RPS6KA3: variants seen among roughly 807,000 people sequenced by gnomAD.
The protein encoded by RPS6KA3 is ribosomal protein S6 kinase A3.
Under a neutral mutation model 67.2 loss-of-function variants are expected in RPS6KA3, and 4 were observed. The observed-to-expected ratio is 0.06, with a 90% CI of 0.03 to 0.14. The LOEUF (loss-of-function observed/expected upper bound fraction) is 0.14, where lower values mean the gene tolerates loss of function less well. Among genes scored for constraint, RPS6KA3 ranks in the 10% least tolerant of loss-of-function variants. The probability of loss-of-function intolerance (pLI) is 1.00; values close to 1 mark genes in which losing one functional copy is unlikely to be tolerated. For missense variants in RPS6KA3, 204 were observed against 559.0 expected, an observed-to-expected ratio of 0.36 and a Z score of 6.40; for synonymous variants, 182 against 183.7, an observed-to-expected ratio of 0.99 and a Z score of 0.07.
chrX:20,160,824 T>C (rs1320135034), intron 20 of RPS6KA3, among the ~76,000 whole-genome samples: 4 of 112,351 alleles, frequency 3.6e-5, no homozygotes, highest in African/African-American at 1.3e-4. Context: ...CAACAGAATC[T>C]ATATACACTT....
chrX:20,205,538 T>C (rs2068553585), intron 3 of RPS6KA3, among the ~76,000 whole-genome samples: 1 of 112,226 alleles, frequency 8.9e-6, no homozygotes, highest in African/African-American at 3.2e-5. Context: ...GAAACCCTGA[T>C]ACAGGGTGTG....
At chrX:20,190,129 C>T (rs763774516) in intron 7 of RPS6KA3, among the ~76,000 whole-genome samples, 2 of 111,415 alleles carry the variant, frequency 1.8e-5, no homozygotes, top group East Asian at 2.8e-4. Context: ...GCATTAGTTA[C>T]GCCTTCTGTA....
intron 4 of RPS6KA3, chrX:20,203,415 C>T (rs143985168): frequency 0.011 from 1,222 of 110,363 alleles, 6 homozygotes; most frequent in Middle Eastern, 0.018. Flanking sequence ...GTATGTGCCA[C>T]CACGCCCAGC....
At chrX:20,176,588 A>G (rs2067705685) in intron 11 of RPS6KA3, 90 bp from the exon 12 acceptor site, 1 of 555,706 alleles carries the variant, frequency 1.8e-6, no homozygotes, top group Admixed American at 3.1e-5. Flanking sequence ...CTAATTAATT[A>G]ATTAATTAAT....
chrX:20,181,356 G>A lies in RPS6KA3; in HGVS notation c.846-4272C>T, dbSNP rs1430928743. Among the ~76,000 whole-genome samples the A allele has an allele frequency of 2.6e-4, 29 of 110,948 alleles. No homozygotes were observed. In the Admixed American group the frequency reaches 2.7e-3, roughly 10 times the overall value. On this transcript the variant is annotated intron_variant, in intron 10 of 21. Coordinates refer to ENST00000379565, the MANE Select transcript of RPS6KA3 (RefSeq NM_004586.3). The stretch of plus-strand genomic sequence containing the variant: ...GGGAACGGTTAGAGAGGTGGAAGAA[G>A]TAGATCAAAGTAGGAAAAACTATGG...
chrX:20,194,171 T>C lies in RPS6KA3; in HGVS notation c.486+18A>G, dbSNP rs778909289. ...AGGATGCATGTAAATAGACTAAAAA[T>C]AGAGATTAATTATATACCTCTTTGG... On this transcript the variant is annotated intron_variant, in intron 6 of 21. Coordinates refer to ENST00000379565, the MANE Select transcript of RPS6KA3 (RefSeq NM_004586.3). 7.8e-6 allele frequency: 8 copies of C among 1,028,032 alleles called. No homozygotes were observed. The highest frequency in any genetic ancestry group is 9.6e-6 in the Non-Finnish European group (7 of 730,873). The allele number at this position is 1,028,032 out of a possible 1,213,427, so 84.7% of individuals were successfully genotyped here.
At chrX:20,265,713 C>A (rs2070358265) in intron 1 of RPS6KA3, 1 of 110,845 alleles carries the variant, frequency 9.0e-6, no homozygotes, top group African/African-American at 3.3e-5. Context: ...AGGGGCGGTT[C>A]AGGAAAGCTC....
chrX:20,264,794 T>C (rs886817275), intron 1 of RPS6KA3, among the ~76,000 whole-genome samples: 3 of 112,379 alleles, frequency 2.7e-5, no homozygotes, highest in East Asian at 2.8e-4. Flanking sequence ...TTAATGTTTG[T>C]ATGTAAAAGT....
chrX:20,223,131 C>T (rs191043605), intron 2 of RPS6KA3, among the ~76,000 whole-genome samples: 16 of 111,244 alleles, frequency 1.4e-4, no homozygotes, highest in Admixed American at 2.9e-4. Context: ...CTTGTATTTC[C>T]GGGAAAAATC....
chrX:20,154,824 A>C lies in RPS6KA3; in HGVS notation c.*574T>G, dbSNP rs1187651458. 8.6e-6 allele frequency: 1 copy of C among 116,398 alleles called. No individual in the cohort carries two copies. Among genetic ancestry groups the C allele is most frequent in the Non-Finnish European group, 1.8e-5 (1 of 55,353 alleles). 9.6% of individuals were successfully genotyped at this position (116,398 alleles called of 1,213,427 possible). On this transcript the variant is annotated 3_prime_UTR_variant, in exon 22 of 22. Transcript: ENST00000379565. ...CCAACAATACTGTTAATCCAGGTGA[A>C]CTATTTAACCAGATTTAATAGTCAA...
chrX:20,222,702 T>C (rs1395955381), intron 2 of RPS6KA3, among the ~76,000 whole-genome samples: 1 of 111,702 alleles, frequency 9.0e-6, no homozygotes, highest in Non-Finnish European at 1.9e-5. Context: ...ACTAGACATA[T>C]ATCATTATGG....
chrX:20,238,049 T>C (rs1258513726), intron 1 of RPS6KA3, among the ~76,000 whole-genome samples: 1 of 111,606 alleles, frequency 9.0e-6, no homozygotes, highest in Non-Finnish European at 1.9e-5. Context: ...TCACAGGAAG[T>C]AAATCTACAT....
chrX:20,254,635 C>T (rs933586919), intron 1 of RPS6KA3, among the ~76,000 whole-genome samples: 1 of 112,315 alleles, frequency 8.9e-6, no homozygotes, highest in Non-Finnish European at 1.9e-5. Context: ...ATACAAGGAA[C>T]TTCCCTATCA....
intron 4 of RPS6KA3, among the ~76,000 whole-genome samples, chrX:20,201,707 T>G (rs2068437902): frequency 9.0e-6 from 1 of 111,441 alleles, no homozygotes; most frequent in Non-Finnish European, 1.9e-5. Context: ...AATCTATCAC[T>G]AACATTTATT....
In RPS6KA3 at chrX:20,266,718, A is replaced by C. The variant is rs1603434003; in HGVS notation, c.-86T>G. ...CCCGCTCCGTCGCCGCCCGAGCCCC[A>C]CGGCAGCGGCGGCGGCGGCGGCGGC... On this transcript the variant is annotated 5_prime_UTR_variant, in exon 1 of 22. Transcript: ENST00000379565. 3.1e-5 allele frequency: 18 copies of C among 580,769 alleles called. No homozygotes were observed. Among genetic ancestry groups the C allele is most frequent in the East Asian group, 2.9e-4 (2 of 6,794 alleles). 47.9% of individuals were successfully genotyped at this position (580,769 alleles called of 1,213,427 possible). A position where few individuals can be genotyped will look rare whatever the true frequency, so the allele number is the denominator to read the frequency against.
intron 20 of RPS6KA3, among the ~76,000 whole-genome samples, chrX:20,159,123 T>A (rs2067251021): frequency 8.9e-6 from 1 of 112,435 alleles, no homozygotes; most frequent in Admixed American, 9.4e-5. Context: ...ATTTCTTATG[T>A]ATAATAAACC....
At position 20,166,285 on chromosome X, in the gene RPS6KA3, C is replaced by T. The variant is rs1394375787; in HGVS notation, c.1603-1225G>A. Among the ~76,000 whole-genome samples, 10 of 111,823 alleles carry T rather than the reference C, an allele frequency of 8.9e-5. No homozygotes were observed. The Admixed American group carries it at 9.5e-4, about 11-fold the overall frequency. On this transcript the variant is annotated intron_variant, in intron 17 of 21. Transcript: ENST00000379565. ...CCTCACATCCAGGACATCACTTCTCCAGACTATTTTAATAACGAATTACTG... is the reference window on the plus strand; with the variant it reads ...CCTCACATCCAGGACATCACTTCTCTAGACTATTTTAATAACGAATTACTG...
At chrX:20,250,782 A>G (rs183338299) in intron 1 of RPS6KA3, among the ~76,000 whole-genome samples, 199 of 111,667 alleles carry the variant, frequency 1.8e-3, no homozygotes, top group South Asian at 8.6e-3. Flanking sequence ...GTTTTTGTTG[A>G]GGATTCTGTG....
intron 3 of RPS6KA3, among the ~76,000 whole-genome samples, chrX:20,204,672 G>A (rs753652330): frequency 6.7e-4 from 75 of 112,025 alleles, no homozygotes; most frequent in African/African-American, 2.2e-3. Flanking sequence ...AGGCCAAGGC[G>A]GGTGGATCAC....
Sources: allele counts gnomAD v4.1 joint callset (sites outside exome capture counted in the v4.1 genomes callset), GRCh38; gene constraint gnomAD v4.1.1; transcripts MANE v1.5; gene names NCBI Gene and HGNC (gene_info 2026-07-23, HGNC 2026-07-21).